Variants in VIT observed in about 807,000 individuals in gnomAD.
VIT encodes the protein vitrin.
A neutral mutation model predicts 78.0 loss-of-function variants in VIT; 99 were observed. The observed-to-expected ratio is 1.27, with a 90% CI of 1.08 to 1.50. The LOEUF is 1.50. Among genes scored for constraint, VIT ranks in the 40% most tolerant of loss-of-function variants. VIT has a pLI of 0.00. For missense variants in VIT, 1,126 were observed against 875.3 expected, an observed-to-expected ratio of 1.29 and a Z score of -3.61; for synonymous variants, 374 against 334.3, an observed-to-expected ratio of 1.12 and a Z score of -1.29.
At chr2:36,798,521 C>T (rs1341627480) in intron 12 of VIT, among the ~76,000 whole-genome samples, 1 of 152,162 alleles carries the variant, frequency 6.6e-6, no homozygotes, top group Non-Finnish European at 1.5e-5. Flanking sequence ...CTTTGGGAGG[C>T]CAAGGCAGAT....
chr2:36,752,536 A>G (rs1203047422), intron 4 of VIT, among the ~76,000 whole-genome samples: 2 of 152,218 alleles, frequency 1.3e-5, no homozygotes, highest in Non-Finnish European at 2.9e-5. Context: ...GAGAATATCT[A>G]TGAAGTGCCT....
chr2:36,808,662 G>C lies in VIT; in HGVS notation c.1580G>C (p.Arg527Pro), dbSNP rs200494736. The C allele has an allele frequency of 6.2e-7, 1 of 1,614,194 alleles. No homozygotes were observed. Among genetic ancestry groups the C allele is most frequent in the Non-Finnish European group, 8.5e-7 (1 of 1,180,034 alleles). ...GSSSVGTGNFRTVLQFVTNLT... is the reference protein window; with the variant it reads ...GSSSVGTGNFPTVLQFVTNLT... The stretch of plus-strand genomic sequence containing the variant: ...AGCAGTGTGGGGACGGGCAACTTCC[G>C]CACCGTCCTCCAGTTTGTGACCAAC... The change falls in exon 15 of 16, where the codon CGC becomes CCC. Residue 527 changes from arginine (R) to proline (P), a missense_variant. Transcript: ENST00000379242.
chr2:36,704,795 C>T (rs962433727), intron 1 of VIT, among the ~76,000 whole-genome samples: 4 of 152,130 alleles, frequency 2.6e-5, no homozygotes, highest in African/African-American at 9.7e-5. Context: ...GAGAGGAGCC[C>T]ATTCTCTACC....
intron 2 of VIT, among the ~76,000 whole-genome samples, chr2:36,718,014 T>A (rs1166744025): frequency 1.3e-5 from 2 of 152,202 alleles, no homozygotes; most frequent in Admixed American, 6.5e-5. Flanking sequence ...GCTGCCTTCA[T>A]CTTCACATGG....
intron 1 of VIT, among the ~76,000 whole-genome samples, chr2:36,709,493 A>G (rs116258846): frequency 0.02 from 2,974 of 152,326 alleles, 106 homozygotes; most frequent in African/African-American, 0.067. Context: ...GAAGACTCAA[A>G]ACAACTTGAT....
rs576325274 is a variant in VIT, at chr2:36,787,228, C to T, written c.1010C>T (p.Ala337Val). 3.1e-6 allele frequency: 5 copies of T among 1,614,152 alleles called. No individual in the cohort carries two copies. The African/African-American group carries it at 4.0e-5, about 13-fold the overall frequency. ...CAGCTCCTGGCTGATGTTGCCCAAG[C>T]TCTTGACATTGGCCCTGCCGGTCCA... ...QKQLLADVAQ[A>V]LDIGPAGPLM... Residue 337 changes from alanine to valine, a missense_variant, in exon 12 of 16, where the codon GCT becomes GTT. Coordinates refer to ENST00000379242, the MANE Select transcript of VIT (RefSeq NM_053276.4).
chr2:36,755,123 T>A, intron 5 of VIT, 69 bp downstream of exon 5: 4 of 1,476,906 alleles, frequency 2.7e-6, no homozygotes, highest in Non-Finnish European at 3.6e-6. Context: ...TTCATTGTGC[T>A]GTTGGTTTTT....
At chr2:36,804,354 C>T (rs1666548458) in intron 13 of VIT, among the ~76,000 whole-genome samples, 1 of 152,206 alleles carries the variant, frequency 6.6e-6, no homozygotes, top group African/African-American at 2.4e-5. Flanking sequence ...AAAAACACTC[C>T]TGACCCCAGA....
intron 2 of VIT, among the ~76,000 whole-genome samples, chr2:36,722,124 G>A (rs773040411): frequency 5.1e-4 from 77 of 152,240 alleles, no homozygotes; most frequent in Non-Finnish European, 9.3e-4. Flanking sequence ...AGTGTTTAAT[G>A]TGTTTAATTA....
intron 12 of VIT, chr2:36,788,160 G>C (rs1263202001): frequency 1.0e-5 from 2 of 193,892 alleles, no homozygotes; most frequent in African/African-American, 4.8e-5. Context: ...GGACCAGTGG[G>C]TGTGGAAGGG....
chr2:36,745,569 T>C (rs1221469246), intron 4 of VIT, among the ~76,000 whole-genome samples: 1 of 152,134 alleles, frequency 6.6e-6, no homozygotes, highest in South Asian at 2.1e-4. Context: ...CTTCTTCTTG[T>C]GGCTACTGTA....
chr2:36,800,621 A>G (rs1204876112), intron 12 of VIT, among the ~76,000 whole-genome samples: 1 of 151,768 alleles, frequency 6.6e-6, no homozygotes, highest in Non-Finnish European at 1.5e-5. Flanking sequence ...ATGCACACAC[A>G]CCCGCCCTCC....
rs1323377827 is a variant in VIT, at chr2:36,795,351, TTTTATTTTATTTTA to T, written c.1059-5932_1059-5919del. ...CAAGACAACACTCTGCCTTATTTTATTTTATTTTATTTTATTTATTTTATTTTATTTTATATTTT... is the reference window on the plus strand; with the variant it reads ...CAAGACAACACTCTGCCTTATTTTATTTTATTTTATTTTATTTTATATTTT... On this transcript the variant is annotated intron_variant, in intron 12 of 15. Transcript: ENST00000379242. 8.3e-3 allele frequency among the ~76,000 whole-genome samples: 704 copies of T among 84,568 alleles called. 11 individuals are homozygous for T. The highest frequency in any genetic ancestry group is 0.025 in the African/African-American group (681 of 27,172). 55.5% of individuals were successfully genotyped at this position (84,568 alleles called of 152,430 possible). A position where few individuals can be genotyped will look rare whatever the true frequency, so the allele number is the denominator to read the frequency against.
At chr2:36,721,908 G>C (rs1385352074) in intron 2 of VIT, among the ~76,000 whole-genome samples, 1 of 152,142 alleles carries the variant, frequency 6.6e-6, no homozygotes, top group Non-Finnish European at 1.5e-5. Context: ...TATTGACCTT[G>C]TCATTTTTCT....
chr2:36,760,847 G>T (rs1184673486), intron 6 of VIT, among the ~76,000 whole-genome samples: 3 of 152,184 alleles, frequency 2.0e-5, no homozygotes, highest in Non-Finnish European at 4.4e-5. Context: ...GGAACAGCCA[G>T]GCTTCTCTTT....
intron 2 of VIT, among the ~76,000 whole-genome samples, chr2:36,723,242 G>A (rs111505601): frequency 6.6e-6 from 1 of 152,010 alleles, no homozygotes; most frequent in Admixed American, 6.6e-5. Flanking sequence ...AACATTTTAT[G>A]ATTTCCAGAT....
At chr2:36,803,197 C>T (rs371742067) in intron 13 of VIT, among the ~76,000 whole-genome samples, 13 of 152,146 alleles carry the variant, frequency 8.5e-5, no homozygotes, top group Non-Finnish European at 1.6e-4. Context: ...AGCACCTCTG[C>T]GGACAGTATC....
rs1667429160 is a variant in VIT, at chr2:36,814,544, G to T, written c.*183G>T. ...TTCCAAAACTTGGAGTTACAAAGAT[G>T]ATCACAAACGTATAGAATGAGCCAA... On this transcript the variant is annotated 3_prime_UTR_variant, in exon 16 of 16. Transcript: ENST00000379242. 1.4e-6 allele frequency: 1 copy of T among 729,446 alleles called. No homozygotes were observed. The allele number at this position is 729,446 out of a possible 1,614,324, so 45.2% of individuals were successfully genotyped here.
In VIT at chr2:36,784,781, A is replaced by G. The variant is rs1037147084; in HGVS notation, c.910+1379A>G. Among the ~76,000 whole-genome samples the G allele has an allele frequency of 3.2e-4, 49 of 152,370 alleles. 1 individual carries two copies. Among genetic ancestry groups the G allele is most frequent in the Non-Finnish European group, 5.9e-5 (4 of 68,032 alleles). ...CTCACACTGAACATTGTATAACCCA[A>G]TTCTACCTGTTAGCACTGATGCTGG... On this transcript the variant is annotated intron_variant, in intron 11 of 15. Transcript: ENST00000379242.
Sources: allele counts gnomAD v4.1 joint callset (sites outside exome capture counted in the v4.1 genomes callset), GRCh38; gene constraint gnomAD v4.1.1; transcripts MANE v1.5; gene names NCBI Gene and HGNC (gene_info 2026-07-23, HGNC 2026-07-21).